The following MICAL3 variants were observed in gnomAD, a reference collection of about 807,000 sequenced individuals.
The protein encoded by MICAL3 is microtubule associated monooxygenase, calponin and LIM domain containing 3.
MICAL3 carries 62 observed loss-of-function variants against 207.4 expected under a neutral mutation model. The observed-to-expected ratio is 0.30, with a 90% CI of 0.24 to 0.37. The LOEUF (loss-of-function observed/expected upper bound fraction) is 0.37, where lower values mean the gene tolerates loss of function less well. MICAL3 is among the 10% of genes least tolerant of loss of function. The pLI is 1.00. For missense variants in MICAL3, 2,368 were observed against 2,635.6 expected (o/e 0.90, Z 2.22); for synonymous variants, 1,077 against 1,069.3 (o/e 1.01, Z -0.14).
intron 1 of MICAL3, among the ~76,000 whole-genome samples, chr22:17,923,167 T>C (rs1298355256): frequency 6.6e-6 from 1 of 152,194 alleles, no homozygotes. Context: ...GCTCAAGGAA[T>C]ACTGCAAATT....
At chr22:17,915,764 A>G (rs1932458988) in intron 1 of MICAL3, among the ~76,000 whole-genome samples, 1 of 152,006 alleles carries the variant, frequency 6.6e-6, no homozygotes, top group African/African-American at 2.4e-5. Context: ...CTTGCAATCA[A>G]TGTTCATTTC....
chr22:17,864,621 C>A (rs1453217436), intron 19 of MICAL3: 2 of 1,556,464 alleles, frequency 1.3e-6, no homozygotes, highest in African/African-American at 1.4e-5. Context: ...AGGGACAGCA[C>A]TTCACGGCTC....
Position 17,896,867 on chromosome 22 carries a change from C to G in MICAL3, c.1063G>C (p.Asp355His). 6.2e-7 allele frequency: 1 copy of G among 1,614,138 alleles called. No individual in the cohort carries two copies. The highest frequency in any genetic ancestry group is 8.5e-7 in the Non-Finnish European group (1 of 1,180,020). ...TGCCCATAGTGATTGATGGCAAAATCCAGAGACGGCAGCTGCTGCTGGGTA... is the reference window on the plus strand; with the variant it reads ...TGCCCATAGTGATTGATGGCAAAATGCAGAGACGGCAGCTGCTGCTGGGTA... Reference protein sequence around the residue: ...FSTQQQLPSLDFAINHYGQPD... With the variant: ...FSTQQQLPSLHFAINHYGQPD... The change falls in exon 8 of 32, where the codon GAT becomes CAT. Residue 355 changes from aspartate to histidine, a missense_variant. Physicochemically the swap from Asp to His is moderately conservative, Grantham distance 81. Coordinates refer to ENST00000441493, the MANE Select transcript of MICAL3 (RefSeq NM_015241.3).
chr22:17,880,006 G>A (rs1360683246), intron 16 of MICAL3, among the ~76,000 whole-genome samples: 1 of 152,232 alleles, frequency 6.6e-6, no homozygotes, highest in Non-Finnish European at 1.5e-5. Flanking sequence ...GGAGCCAGAA[G>A]CGGCAATCAC....
At chr22:17,795,488 C>G (rs1340826665) in intron 29 of MICAL3, among the ~76,000 whole-genome samples, 1 of 152,256 alleles carries the variant, frequency 6.6e-6, no homozygotes. Flanking sequence ...ACACGTGTTT[C>G]TGCTTTCTGG....
Position 17,817,330 on chromosome 22 carries a change from C to T in MICAL3, c.5331G>A (p.Val1777=). Residue 1777 remains valine, a synonymous_variant, in exon 26 of 32, where the codon GTG becomes GTA. Coordinates refer to ENST00000441493, the MANE Select transcript of MICAL3 (RefSeq NM_015241.3). ...ACGCACCTGCCCTTACGACGGGAAGCACCCTGTGCTTTCCAGAGTCCACCG... is the reference window on the plus strand; with the variant it reads ...ACGCACCTGCCCTTACGACGGGAAGTACCCTGTGCTTTCCAGAGTCCACCG... ...GATVDSGKHR[V]LPVVRAELQL... The T allele has an allele frequency of 6.2e-7, 1 of 1,604,162 alleles. No individual in the cohort carries two copies. Among genetic ancestry groups the T allele is most frequent in the African/African-American group, 1.3e-5 (1 of 74,868 alleles).
intron 19 of MICAL3, chr22:17,861,049 G>A (rs1307840993): frequency 1.0e-6 from 1 of 985,286 alleles, no homozygotes; most frequent in African/African-American, 1.7e-5. Flanking sequence ...TATGGCTCTT[G>A]GGGTAAGGTG....
At chr22:17,972,121 A>G (rs2041786840) in intron 1 of MICAL3, among the ~76,000 whole-genome samples, 1 of 152,250 alleles carries the variant, frequency 6.6e-6, no homozygotes, top group South Asian at 2.1e-4. Context: ...TCAGCAAATC[A>G]GTTACAAACC....
chr22:18,000,625 G>A (rs533130686), intron 1 of MICAL3, among the ~76,000 whole-genome samples: 9 of 152,316 alleles, frequency 5.9e-5, no homozygotes, highest in African/African-American at 2.2e-4. Context: ...CCTCAAGATG[G>A]TTTCTTAGCT....
intron 19 of MICAL3, chr22:17,860,856 G>T: frequency 1.0e-6 from 1 of 985,454 alleles, no homozygotes; most frequent in South Asian, 4.7e-5. Flanking sequence ...CGGCTCCCCA[G>T]TGTGAGGCTC....
chr22:17,870,663 T>C (rs541474534), intron 17 of MICAL3, among the ~76,000 whole-genome samples: 4 of 152,162 alleles, frequency 2.6e-5, no homozygotes, highest in Non-Finnish European at 5.9e-5. Flanking sequence ...CCAGGCCCCA[T>C]CCTTGAGATC....
Position 17,818,086 on chromosome 22 carries a change from A to G in MICAL3, c.4575T>C (p.Asp1525=). The G allele has an allele frequency of 6.2e-7, 1 of 1,612,970 alleles. No individual in the cohort carries two copies. Among genetic ancestry groups the G allele is most frequent in the Non-Finnish European group, 8.5e-7 (1 of 1,179,716 alleles). Residue 1525 remains aspartate, a synonymous_variant, in exon 26 of 32, where the codon GAT becomes GAC. Coordinates refer to ENST00000441493, the MANE Select transcript of MICAL3 (RefSeq NM_015241.3). ...TCTTGTCGTCATAGGTGTCCTCCAC[A>G]TCATCAGCAAAGGGAATCTCCTCCA... The part of the protein sequence containing the change: ...ESVEEIPFAD[D]VEDTYDDKTE...
Position 17,896,874 on chromosome 22 carries a change from C to G in MICAL3, c.1056G>C (p.Pro352=). ...AADFSTQQQL[P]SLDFAINHYG... ...AGTGATTGATGGCAAAATCCAGAGA[C>G]GGCAGCTGCTGCTGGGTAGAGAAGT... The change falls in exon 8 of 32, where the codon CCG becomes CCC. Residue 352 remains proline (P), a synonymous_variant. Coordinates refer to ENST00000441493, the MANE Select transcript of MICAL3 (RefSeq NM_015241.3). The G allele has an allele frequency of 6.2e-7, 1 of 1,614,120 alleles. No homozygotes were observed. Among genetic ancestry groups the G allele is most frequent in the Non-Finnish European group, 8.5e-7 (1 of 1,179,988 alleles).
At chr22:17,894,432 A>C (rs1323324183) in intron 10 of MICAL3, among the ~76,000 whole-genome samples, 1 of 151,512 alleles carries the variant, frequency 6.6e-6, no homozygotes, top group Non-Finnish European at 1.5e-5. Context: ...AGAGAGAAAA[A>C]ATTAGTTACT....
chr22:17,979,261 C>CATATA (rs1569155360), intron 1 of MICAL3, among the ~76,000 whole-genome samples: 1 of 151,610 alleles, frequency 6.6e-6, no homozygotes, highest in Non-Finnish European at 1.5e-5. Context: ...CATATGTAAA[C>CATATA]GGCCCAGGTA....
chr22:17,920,445 G>A (rs1043091480), intron 1 of MICAL3, among the ~76,000 whole-genome samples: 11 of 152,084 alleles, frequency 7.2e-5, no homozygotes, highest in African/African-American at 2.2e-4. Flanking sequence ...TGAGGGTGAC[G>A]GTGGCTTTCA....
At position 17,796,803 on chromosome 22, in the gene MICAL3, A is replaced by C. The variant is rs939082815; in HGVS notation, c.5651-5502T>G. Among the ~76,000 whole-genome samples, 8 of 152,126 alleles carry C rather than the reference A, an allele frequency of 5.3e-5. No individual in the cohort carries two copies. Among genetic ancestry groups the C allele is most frequent in the Non-Finnish European group, 1.0e-4 (7 of 68,020 alleles). ...CCTGAATCCAGGCCTGGCCTTCCTA[A>C]GTCGGGGTACCCCCTACACTACCAC... On this transcript the variant is annotated intron_variant, in intron 29 of 31. Coordinates refer to ENST00000441493, the MANE Select transcript of MICAL3 (RefSeq NM_015241.3). This position sits in a 1 kb window ranked among gnomAD's most constrained non-coding sequence, Gnocchi z 4.4.
intron 1 of MICAL3, among the ~76,000 whole-genome samples, chr22:18,015,195 A>T (rs1021413794): frequency 6.6e-6 from 1 of 152,160 alleles, no homozygotes; most frequent in Non-Finnish European, 1.5e-5. Context: ...AAGAAAACCC[A>T]CACAGCTTGG....
intron 1 of MICAL3, among the ~76,000 whole-genome samples, chr22:17,948,370 T>C (rs1471972134): frequency 1.3e-5 from 2 of 152,204 alleles, no homozygotes; most frequent in African/African-American, 2.4e-5. Flanking sequence ...TAGCTTGTTT[T>C]GTGCAGCATG....
Sources: allele counts gnomAD v4.1 joint callset (sites outside exome capture counted in the v4.1 genomes callset), GRCh38; gene constraint gnomAD v4.1.1; non-coding constraint Gnocchi (gnomAD v3.1); transcripts MANE v1.5; gene names NCBI Gene and HGNC (gene_info 2026-07-23, HGNC 2026-07-21).